SAMD3: variants seen among roughly 807,000 people sequenced by gnomAD.
SAMD3 encodes the protein sterile alpha motif domain containing 3.
In SAMD3, 63 loss-of-function variants were observed where a neutral mutation model predicts 58.5. That is an observed-to-expected ratio of 1.08 (90% CI 0.88 to 1.33). SAMD3 has a LOEUF of 1.33. Among genes scored for constraint, SAMD3 ranks in the 40% most tolerant of loss-of-function variants. SAMD3 has a pLI of 0.00. For synonymous variants in SAMD3, 220 were observed against 210.3 expected (o/e 1.05, Z -0.40); for missense variants, 604 against 608.4 (o/e 0.99, Z 0.08).
At chr6:130,333,082 T>C (rs937633669) in intron 1 of SAMD3, among the ~76,000 whole-genome samples, 1 of 132,736 alleles carries the variant, frequency 7.5e-6, no homozygotes, top group African/African-American at 3.2e-5. Flanking sequence ...TGTGTGTGTG[T>C]GTGTTAAGGG....
chr6:130,289,763 G>A (rs890042193), intron 2 of SAMD3, among the ~76,000 whole-genome samples: 4 of 152,226 alleles, frequency 2.6e-5, no homozygotes, highest in Non-Finnish European at 5.9e-5. Context: ...GCCCCCCAAA[G>A]TGCTGGGATT....
intron 2 of SAMD3, among the ~76,000 whole-genome samples, chr6:130,300,516 G>A (rs1775710393): frequency 6.6e-6 from 1 of 150,742 alleles, no homozygotes; most frequent in Admixed American, 6.7e-5. Flanking sequence ...CAGCTGACAT[G>A]ATATTCAATG....
intron 1 of SAMD3, among the ~76,000 whole-genome samples, chr6:130,341,024 T>G (rs1351045141): frequency 6.6e-6 from 1 of 152,214 alleles, no homozygotes. Flanking sequence ...TCAGTACATT[T>G]AGAACACATA....
intron 9 of SAMD3, among the ~76,000 whole-genome samples, chr6:130,148,717 C>T (rs1383876338): frequency 6.6e-6 from 1 of 152,058 alleles, no homozygotes; most frequent in Admixed American, 6.6e-5. Context: ...ACAAAAAATA[C>T]AAAAATTTGC....
At chr6:130,224,592 TTTATTATTATTATTATTA>T (rs147379974), upstream of SAMD3, among the ~76,000 whole-genome samples, 15 of 143,900 alleles carry the variant, frequency 1.0e-4, no homozygotes, top group East Asian at 4.1e-4. Flanking sequence ...ACTCTATTTA[TTTATTATTATTATTATTA>T]TTATTATTAT....
chr6:130,281,842 G>T (rs1035150466), intron 2 of SAMD3, among the ~76,000 whole-genome samples: 1 of 151,926 alleles, frequency 6.6e-6, no homozygotes, highest in Non-Finnish European at 1.5e-5. Context: ...GAAGTCAGGA[G>T]GTGGAGGTTG....
At chr6:130,328,860 T>C (rs1275193097) in intron 1 of SAMD3, among the ~76,000 whole-genome samples, 2 of 152,210 alleles carry the variant, frequency 1.3e-5, no homozygotes, top group Non-Finnish European at 2.9e-5. Flanking sequence ...ATAGTTGTAA[T>C]GTAGAGAAAT....
chr6:130,332,711 C>T (rs1245893243), intron 1 of SAMD3, among the ~76,000 whole-genome samples: 2 of 152,000 alleles, frequency 1.3e-5, no homozygotes, highest in Non-Finnish European at 2.9e-5. Flanking sequence ...AAAATTTAGG[C>T]CATTAGAATG....
intron 5 of SAMD3, among the ~76,000 whole-genome samples, chr6:130,204,149 A>C (rs1395021257): frequency 1.3e-5 from 2 of 152,210 alleles, no homozygotes; most frequent in African/African-American, 4.8e-5. Context: ...ACATCTGGAC[A>C]CATATATTTA....
chr6:130,220,194 G>C (rs954877111), intron 1 of SAMD3, among the ~76,000 whole-genome samples: 2 of 152,104 alleles, frequency 1.3e-5, no homozygotes, highest in African/African-American at 4.8e-5. Flanking sequence ...TGGAAATGGG[G>C]TTTCACCATG....
intron 9 of SAMD3, among the ~76,000 whole-genome samples, chr6:130,153,666 T>TATATATATATATA (rs58896049): frequency 0.017 from 1,565 of 90,760 alleles, 36 homozygotes; most frequent in East Asian, 0.031. Flanking sequence ...ATATATATAT[T>TATATATATATATA]TATTTATTTA....
At chr6:130,182,226 ATTG>A (rs1177223518) in intron 7 of SAMD3, among the ~76,000 whole-genome samples, 2 of 151,178 alleles carry the variant, frequency 1.3e-5, no homozygotes, top group Admixed American at 6.6e-5. Context: ...TTTGTGTAGT[ATTG>A]TTGTTGTTGC....
At chr6:130,160,379 G>A (rs1444379795) in intron 8 of SAMD3, 1 of 152,244 alleles carries the variant, frequency 6.6e-6, no homozygotes, top group African/African-American at 2.4e-5. Flanking sequence ...ACTTATCAAA[G>A]CCAACATATA....
chr6:130,156,616 G>A (rs1789805893), intron 8 of SAMD3, among the ~76,000 whole-genome samples: 1 of 152,036 alleles, frequency 6.6e-6, no homozygotes, highest in Non-Finnish European at 1.5e-5. Context: ...TCAGTTTGGG[G>A]GCCACTGTTA....
chr6:130,292,651 C>T (rs1331043736), intron 2 of SAMD3, among the ~76,000 whole-genome samples: 1 of 148,462 alleles, frequency 6.7e-6, no homozygotes, highest in African/African-American at 2.5e-5. Context: ...GAGAGTCTCG[C>T]TCTGTCGCCC....
intron 5 of SAMD3, among the ~76,000 whole-genome samples, chr6:130,189,120 C>CAAA (rs1562419561): frequency 4.8e-5 from 7 of 144,524 alleles, no homozygotes; most frequent in Admixed American, 2.1e-4. Context: ...AAAAAAAAAC[C>CAAA]AAAAAACAAA....
At chr6:130,224,016 T>G (rs1411695958), upstream of SAMD3, among the ~76,000 whole-genome samples, 1 of 152,090 alleles carries the variant, frequency 6.6e-6, no homozygotes, top group Non-Finnish European at 1.5e-5. Context: ...TTTTATTGAC[T>G]GGTGGAAGTA....
At chr6:130,308,554 G>A (rs1562513421) in intron 2 of SAMD3, among the ~76,000 whole-genome samples, 1 of 151,808 alleles carries the variant, frequency 6.6e-6, no homozygotes. Flanking sequence ...TAACACATTG[G>A]ACCTTGTAAA....
chr6:130,271,760 A>C (rs1275099414), intron 2 of SAMD3, among the ~76,000 whole-genome samples: 1 of 152,242 alleles, frequency 6.6e-6, no homozygotes, highest in African/African-American at 2.4e-5. Context: ...TCACAGTTCC[A>C]CATGGCTGAG....
Sources: allele counts gnomAD v4.1 joint callset (sites outside exome capture counted in the v4.1 genomes callset), GRCh38; gene constraint gnomAD v4.1.1; transcripts MANE v1.5; gene names NCBI Gene and HGNC (gene_info 2026-07-23, HGNC 2026-07-21).